The following JMJD1C variants were observed in gnomAD, a reference collection of about 807,000 sequenced individuals.
The protein encoded by JMJD1C is jumonji domain containing 1C.
JMJD1C carries 31 observed loss-of-function variants against 245.3 expected under a neutral mutation model. The ratio of observed to expected loss-of-function variants is 0.13; its 90% confidence interval spans 0.09 to 0.17. The LOEUF (loss-of-function observed/expected upper bound fraction) is 0.17. Ranked by LOEUF, JMJD1C falls within the 10% of genes least tolerant of loss-of-function variation. The pLI is 1.00. For missense variants in JMJD1C, 2,691 were observed against 3,000.2 expected (o/e 0.90, Z 2.41); for synonymous variants, 1,057 against 1,017.4 (o/e 1.04, Z -0.74).
chr10:63,313,568 G>A (rs186205552), intron 2 of JMJD1C, among the ~76,000 whole-genome samples: 2 of 152,282 alleles, frequency 1.3e-5, no homozygotes, highest in Admixed American at 1.3e-4. Flanking sequence ...AGCGGTGTAA[G>A]AATGTTCCCT....
chr10:63,268,232 CAAAAA>C (rs5785564), intron 2 of JMJD1C, among the ~76,000 whole-genome samples: 1 of 130,220 alleles, frequency 7.7e-6, no homozygotes, highest in Non-Finnish European at 1.6e-5. Flanking sequence ...TTTAGTCTAC[CAAAAA>C]AAAAAAAAAA....
intron 1 of JMJD1C, among the ~76,000 whole-genome samples, chr10:63,477,964 G>C (rs181892548): frequency 5.7e-4 from 87 of 152,162 alleles, no homozygotes; most frequent in African/African-American, 2.0e-3. Context: ...TGGCAAATAA[G>C]CACAAGAAAA....
chr10:63,199,545 G>A (rs1328260532), intron 11 of JMJD1C, among the ~76,000 whole-genome samples: 6 of 151,710 alleles, frequency 4.0e-5, no homozygotes, highest in Non-Finnish European at 8.8e-5. Context: ...TCTTATTTTG[G>A]TTTTATGTTA....
chr10:63,216,737 A>G (rs963666386), intron 5 of JMJD1C, among the ~76,000 whole-genome samples: 29 of 149,242 alleles, frequency 1.9e-4, no homozygotes, highest in African/African-American at 7.0e-4. Flanking sequence ...AAACAAACAA[A>G]AACTCCATAG....
intron 1 of JMJD1C, among the ~76,000 whole-genome samples, chr10:63,494,495 T>A (rs1954289579): frequency 6.6e-6 from 1 of 152,106 alleles, no homozygotes; most frequent in African/African-American, 2.4e-5. Context: ...GGGAAGAAAT[T>A]AGAACATGGT....
At chr10:63,395,032 T>C (rs982749904) in intron 1 of JMJD1C, among the ~76,000 whole-genome samples, 1 of 152,006 alleles carries the variant, frequency 6.6e-6, no homozygotes, top group East Asian at 1.9e-4. Context: ...GAAAATTAAT[T>C]CAAAAATATG....
Position 63,211,284 on chromosome 10 carries a change from G to A in JMJD1C, c.2695-2049C>T, listed in dbSNP as rs558428095. Among the ~76,000 whole-genome samples the A allele has an allele frequency of 2.9e-4, 44 of 152,112 alleles. No homozygotes were observed. In the South Asian group the frequency reaches 9.1e-3, roughly 32 times the overall value. On this transcript the variant is annotated intron_variant, in intron 8 of 25. Coordinates refer to ENST00000399262, the MANE Select transcript of JMJD1C (RefSeq NM_032776.3). ...GTTCGAGACCAGCCTGGCCAGCATAGTGAAACCTCGTTTCTACTAAAAATA... is the reference window on the plus strand; with the variant it reads ...GTTCGAGACCAGCCTGGCCAGCATAATGAAACCTCGTTTCTACTAAAAATA...
intron 1 of JMJD1C, chr10:63,428,080 A>G: frequency 4.1e-6 from 2 of 486,166 alleles, no homozygotes; most frequent in East Asian, 3.1e-5. Context: ...TATATATATT[A>G]AGACAGCTGA....
chr10:63,404,331 C>T (rs1372244598), intron 1 of JMJD1C, among the ~76,000 whole-genome samples: 1 of 152,014 alleles, frequency 6.6e-6, no homozygotes, highest in East Asian at 1.9e-4. Context: ...CCAAAAAAAG[C>T]AGAGAGAGAA....
intron 2 of JMJD1C, among the ~76,000 whole-genome samples, chr10:63,291,169 AT>A (rs1858637162): frequency 1.3e-5 from 2 of 151,772 alleles, no homozygotes; most frequent in South Asian, 4.2e-4. Flanking sequence ...TTAGCTAGGC[AT>A]GGTGGCACAT....
intron 3 of JMJD1C, among the ~76,000 whole-genome samples, chr10:63,256,870 C>T (rs1238371047): frequency 6.6e-6 from 1 of 152,116 alleles, no homozygotes; most frequent in Non-Finnish European, 1.5e-5. Context: ...AAGGGAGATG[C>T]ATATGAAAAG....
chr10:63,260,270 C>T (rs545408581), intron 3 of JMJD1C, among the ~76,000 whole-genome samples: 1 of 152,262 alleles, frequency 6.6e-6, no homozygotes, highest in African/African-American at 2.4e-5. Flanking sequence ...CCTAAAAATA[C>T]TGGACTAACA....
At chr10:63,358,961 C>G (rs991307206) in intron 2 of JMJD1C, 1 of 160,596 alleles carries the variant, frequency 6.2e-6, no homozygotes, top group African/African-American at 2.4e-5. Flanking sequence ...AAATAATGAC[C>G]TCCTTCAATT....
At chr10:63,490,163 G>C (rs143173241) in intron 1 of JMJD1C, among the ~76,000 whole-genome samples, 2,154 of 152,254 alleles carry the variant, frequency 0.014, 34 homozygotes, top group Non-Finnish European at 0.02. Context: ...GGGGACCACT[G>C]TTCTACACCT....
chr10:63,371,563 G>A (rs534176400), intron 2 of JMJD1C, among the ~76,000 whole-genome samples: 1 of 152,112 alleles, frequency 6.6e-6, no homozygotes, highest in South Asian at 2.1e-4. Flanking sequence ...TTCGTATGAG[G>A]TACGTGACAA....
intron 2 of JMJD1C, among the ~76,000 whole-genome samples, chr10:63,366,665 C>T (rs74823450): frequency 5.3e-4 from 81 of 152,184 alleles, no homozygotes; most frequent in African/African-American, 1.9e-3. Context: ...TATAGCTGTG[C>T]TATAATCATT....
At position 63,207,242 on chromosome 10, in the gene JMJD1C, G is replaced by A. The variant is rs1243340247; in HGVS notation, c.4427C>T (p.Thr1476Ile). ...CTTTTTTAAATGGATAAAATCAGTT[G>A]TGCCTGAGAACCCAGAACTGGGTTG... ...VVQPSSGFSG[T>I]TDFIHLKKHK... is the part of the protein sequence containing the mutation. The change falls in exon 10 of 26, where the codon ACA becomes ATA. Residue 1476 changes from threonine (T) to isoleucine (I), a missense_variant. Transcript: ENST00000399262. The A allele has an allele frequency of 6.2e-7, 1 of 1,614,096 alleles. No individual in the cohort carries two copies. Among genetic ancestry groups the A allele is most frequent in the East Asian group, 2.2e-5 (1 of 44,878 alleles).
intron 2 of JMJD1C, among the ~76,000 whole-genome samples, chr10:63,333,249 A>G (rs955987306): frequency 6.6e-6 from 1 of 152,126 alleles, no homozygotes; most frequent in Non-Finnish European, 1.5e-5. Flanking sequence ...CCATTCTCCT[A>G]TTTCTTGCGT....
At chr10:63,294,880 TAAGGAAAACAC>T (rs1859189515) in intron 2 of JMJD1C, among the ~76,000 whole-genome samples, 1 of 152,146 alleles carries the variant, frequency 6.6e-6, no homozygotes, top group South Asian at 2.1e-4. Flanking sequence ...TGAGGGTCAT[TAAGGAAAACAC>T]TTTCCACCAG....
Sources: gnomAD v4.1 joint callset for allele counts (sites outside exome capture counted in the v4.1 genomes callset) on GRCh38, gnomAD v4.1.1 for gene constraint, MANE v1.5 for transcripts, NCBI Gene and HGNC (gene_info 2026-07-23, HGNC 2026-07-21) for gene names.